FBXO36: variants seen among roughly 807,000 people sequenced by gnomAD.
FBXO36 encodes F-box protein 36.
FBXO36 carries 18 observed loss-of-function variants against 17.0 expected under a neutral mutation model. That is an observed-to-expected ratio of 1.06 (90% CI 0.73 to 1.57). The LOEUF is 1.57. FBXO36 is among the 40% of genes most tolerant of loss of function. FBXO36 has a pLI of 0.00. For missense variants in FBXO36, 229 were observed against 221.9 expected, an observed-to-expected ratio of 1.03 and a Z score of -0.20; for synonymous variants, 83 against 85.3, an observed-to-expected ratio of 0.97 and a Z score of 0.15.
At chr2:229,968,959 A>C (rs1048476350) in intron 1 of FBXO36, among the ~76,000 whole-genome samples, 2 of 151,864 alleles carry the variant, frequency 1.3e-5, no homozygotes, top group Non-Finnish European at 2.9e-5. Context: ...TTTTTAGTAG[A>C]GACGGGGTTT....
chr2:229,990,513 A>T (rs2077293004), intron 2 of FBXO36, among the ~76,000 whole-genome samples: 3 of 152,142 alleles, frequency 2.0e-5, no homozygotes, highest in Admixed American at 2.0e-4. Context: ...ATCTAAAAAA[A>T]TACGTTAATA....
At chr2:229,971,434 T>C (rs983794619) in intron 1 of FBXO36, among the ~76,000 whole-genome samples, 2 of 151,598 alleles carry the variant, frequency 1.3e-5, no homozygotes, top group Non-Finnish European at 2.9e-5. Flanking sequence ...CTCTGGTATC[T>C]CATTGGCTAA....
At chr2:229,934,852 G>A (rs1400121256) in intron 1 of FBXO36, among the ~76,000 whole-genome samples, 5 of 151,968 alleles carry the variant, frequency 3.3e-5, no homozygotes, top group African/African-American at 9.7e-5. Flanking sequence ...ATGGGGTTTC[G>A]CCACGTTGGC....
chr2:229,938,197 A>G (rs1449963765), intron 1 of FBXO36, among the ~76,000 whole-genome samples: 2 of 126,472 alleles, frequency 1.6e-5, no homozygotes, highest in African/African-American at 6.0e-5. Flanking sequence ...GCCCAACCGG[A>G]TTGGTTAGAT....
chr2:229,983,047 A>G (rs1033621527), intron 2 of FBXO36, among the ~76,000 whole-genome samples: 14 of 151,800 alleles, frequency 9.2e-5, no homozygotes, highest in African/African-American at 3.4e-4. Context: ...CAGTAGTGCA[A>G]TCACAGCTCA....
intron 1 of FBXO36, among the ~76,000 whole-genome samples, chr2:229,961,693 A>G (rs1293762430): frequency 2.0e-5 from 3 of 152,098 alleles, no homozygotes; most frequent in Non-Finnish European, 4.4e-5. Context: ...TTACTACATG[A>G]ATTTAAAATA....
intron 1 of FBXO36, among the ~76,000 whole-genome samples, chr2:229,960,906 C>G (rs2077117259): frequency 6.6e-6 from 1 of 152,030 alleles, no homozygotes; most frequent in Admixed American, 6.6e-5. Context: ...GTCAGGAGTT[C>G]GAGACCAGCC....
chr2:229,932,209 G>A lies in FBXO36; in HGVS notation c.96+9600G>A, dbSNP rs13409477. ...AGCCTGACCAACATGGTGAAACCCC[G>A]TCTCCACTAAAAATACAAAAATTAG... On this transcript the variant is annotated intron_variant, in intron 1 of 3. Coordinates refer to ENST00000283946, the MANE Select transcript of FBXO36 (RefSeq NM_174899.5). 3.2e-3 allele frequency among the ~76,000 whole-genome samples: 490 copies of A among 151,980 alleles called. 4 individuals carry two copies. The highest frequency in any genetic ancestry group is 0.011 in the African/African-American group (451 of 41,456).
intron 2 of FBXO36, among the ~76,000 whole-genome samples, chr2:229,992,483 T>C (rs2077302912): frequency 6.6e-6 from 1 of 152,138 alleles, no homozygotes; most frequent in Non-Finnish European, 1.5e-5. Flanking sequence ...GTCTTCATCT[T>C]TAAAACCTCA....
intron 1 of FBXO36, among the ~76,000 whole-genome samples, chr2:229,936,667 G>A (rs1236309789): frequency 6.6e-6 from 1 of 151,970 alleles, no homozygotes; most frequent in African/African-American, 2.4e-5. Flanking sequence ...CCAGGAGTTC[G>A]AGACTAACCT....
intron 1 of FBXO36, among the ~76,000 whole-genome samples, chr2:229,969,183 A>G (rs960011119): frequency 3.9e-5 from 6 of 152,028 alleles, no homozygotes; most frequent in Admixed American, 2.0e-4. Context: ...CTAAAGACGC[A>G]TAATTAGAAT....
chr2:229,932,462 G>A lies in FBXO36; in HGVS notation c.96+9853G>A, dbSNP rs2076943609. On this transcript the variant is annotated intron_variant, in intron 1 of 3. Transcript: ENST00000283946. ...TTGAACCCGGGAGTTGGAGGTTGCA[G>A]TGAGCCAAGGTCACGCCATTGCACT... 2.0e-5 allele frequency among the ~76,000 whole-genome samples: 3 copies of A among 152,188 alleles called. No individual in the cohort carries two copies. In the South Asian group the frequency reaches 6.2e-4, roughly 32 times the overall value.
intron 3 of FBXO36, among the ~76,000 whole-genome samples, chr2:230,001,633 T>C (rs928432345): frequency 6.6e-6 from 1 of 152,134 alleles, no homozygotes; most frequent in African/African-American, 2.4e-5. Context: ...AAAAAAAGGC[T>C]TCCTTTTCAA....
chr2:229,949,592 C>A (rs2077046016), intron 1 of FBXO36, among the ~76,000 whole-genome samples: 1 of 151,426 alleles, frequency 6.6e-6, no homozygotes, highest in Admixed American at 6.6e-5. Context: ...TATATAGATG[C>A]TGAGAAATAC....
chr2:229,955,510 C>T (rs1292419511), intron 1 of FBXO36, among the ~76,000 whole-genome samples: 4 of 150,828 alleles, frequency 2.7e-5, no homozygotes, highest in African/African-American at 9.8e-5. Context: ...AGTGAGACCC[C>T]GTCTCAGAAA....
Position 230,011,409 on chromosome 2 carries a change from C to T in FBXO36, c.*525C>T, listed in dbSNP as rs2077414803. ...CTTCCCAACTTTGTTCTGCTAAGTC[C>T]ATATTCAGGGCCCTATCCTTGTGAG... On this transcript the variant is annotated 3_prime_UTR_variant, in exon 4 of 4. Coordinates refer to ENST00000283946, the MANE Select transcript of FBXO36 (RefSeq NM_174899.5). The T allele has an allele frequency of 2.0e-5, 3 of 152,684 alleles. No homozygotes were observed. Among genetic ancestry groups the T allele is most frequent in the African/African-American group, 4.8e-5 (2 of 41,396 alleles). 9.5% of individuals were successfully genotyped at this position (152,684 alleles called of 1,614,324 possible).
At chr2:229,991,778 G>A (rs1577358607) in intron 2 of FBXO36, among the ~76,000 whole-genome samples, 1 of 152,170 alleles carries the variant, frequency 6.6e-6, no homozygotes, top group Non-Finnish European at 1.5e-5. Context: ...TTGGGTTTCT[G>A]CTCTTGACTC....
chr2:230,010,928 T>A lies in FBXO36; in HGVS notation c.*44T>A, dbSNP rs1385674876. The A allele has an allele frequency of 2.0e-6, 3 of 1,531,394 alleles. No individual in the cohort carries two copies. In the African/African-American group the frequency reaches 4.1e-5, roughly 21 times the overall value. The allele number at this position is 1,531,394 out of a possible 1,614,324, so 94.9% of individuals were successfully genotyped here. A position where few individuals can be genotyped will look rare whatever the true frequency, so the allele number is the denominator to read the frequency against. ...GCAGGGAGCTCAGGCATGGCTGTGT[T>A]TCTCTTCAGTGTCCAAATCTCTTCT... On this transcript the variant is annotated 3_prime_UTR_variant, in exon 4 of 4. Transcript: ENST00000283946.
At chr2:229,967,813 A>C (rs1308657017) in intron 1 of FBXO36, among the ~76,000 whole-genome samples, 1 of 152,196 alleles carries the variant, frequency 6.6e-6, no homozygotes, top group African/African-American at 2.4e-5. Context: ...ATTGATGTTC[A>C]TCAGGGATAT....
Sources: gnomAD v4.1 joint callset for allele counts (sites outside exome capture counted in the v4.1 genomes callset) on GRCh38, gnomAD v4.1.1 for gene constraint, MANE v1.5 for transcripts, NCBI Gene and HGNC (gene_info 2026-07-23, HGNC 2026-07-21) for gene names.